KIRREL3: variants seen among roughly 807,000 people sequenced by gnomAD.
KIRREL3 encodes kin of IRRE-like protein 3.
A neutral mutation model predicts 89.7 loss-of-function variants in KIRREL3; 36 were observed. The ratio of observed to expected loss-of-function variants is 0.40; its 90% CI spans 0.31 to 0.53. The LOEUF is 0.53. Among genes scored for constraint, KIRREL3 ranks in the 20% least tolerant of loss-of-function variants. The pLI is 0.49. For synonymous variants in KIRREL3, 445 were observed against 441.4 expected (o/e 1.01, Z -0.10); for missense variants, 864 against 1,056.6 (o/e 0.82, Z 2.53).
intron 7 of KIRREL3, among the ~76,000 whole-genome samples, chr11:126,450,418 A>AGT (rs201339845): frequency 0.014 from 1,648 of 121,668 alleles, 33 homozygotes; most frequent in African/African-American, 0.051. Flanking sequence ...TGCATGTGTG[A>AGT]GTGGGCATGT....
rs996859901 is a variant in KIRREL3, at chr11:126,664,161, A to G, written c.56-101249T>C. Among the ~76,000 whole-genome samples the G allele has an allele frequency of 3.9e-5, 6 of 152,172 alleles. No individual in the cohort carries two copies. Among genetic ancestry groups the G allele is most frequent in the Non-Finnish European group, 7.3e-5 (5 of 68,046 alleles). On this transcript the variant is annotated intron_variant, in intron 1 of 16. Transcript: ENST00000525144. The surrounding 1 kb of genome is among the most constrained non-coding windows in gnomAD (Gnocchi z 5.4). ...TAGAGCAAGTTGAATGGGAATATCCATAATGCACCTCCTATCCTCTATTAC... is the reference window on the plus strand; with the variant it reads ...TAGAGCAAGTTGAATGGGAATATCCGTAATGCACCTCCTATCCTCTATTAC...
intron 1 of KIRREL3, among the ~76,000 whole-genome samples, chr11:126,839,818 A>G (rs1456175594): frequency 6.6e-6 from 1 of 152,248 alleles, no homozygotes; most frequent in Non-Finnish European, 1.5e-5. Context: ...GCTCCTGCAA[A>G]TTTAGGTAAA....
rs574599287 is a variant in KIRREL3 at position 126,463,377 on chromosome 11, G to A, written c.592-70C>T. ...CTGGGGTGGCCAGCCTGGGTTGGGGGTAAACGAGCACCAGCTTAGACAGAA... is the reference window on the plus strand; with the variant it reads ...CTGGGGTGGCCAGCCTGGGTTGGGGATAAACGAGCACCAGCTTAGACAGAA... On this transcript the variant is annotated intron_variant, in intron 5 of 16. Coordinates refer to ENST00000525144, the MANE Select transcript of KIRREL3 (RefSeq NM_032531.4). The surrounding 1 kb of genome is among the most constrained non-coding windows in gnomAD (Gnocchi z 5.9). 1.4e-4 allele frequency: 207 copies of A among 1,488,186 alleles called. 3 individuals carry two copies. The South Asian group carries it at 2.5e-3, about 18-fold the overall frequency. 92.2% of individuals were successfully genotyped at this position (1,488,186 alleles called of 1,614,324 possible).
In KIRREL3 at chr11:126,761,824, G is replaced by A. The variant is rs576509417; in HGVS notation, c.56-198912C>T. On this transcript the variant is annotated intron_variant, in intron 1 of 16. Transcript: ENST00000525144. The surrounding 1 kb of genome is among the most constrained non-coding windows in gnomAD (Gnocchi z 4.4). ...ACTCTCTTGGGAAGAAGTCTCCCTA[G>A]GAAGCTGCTCCCCGCTTTCAATCTC... Among the ~76,000 whole-genome samples, 1 of 152,106 alleles carries A rather than the reference G, an allele frequency of 6.6e-6. No homozygotes were observed. The highest frequency in any genetic ancestry group is 2.1e-4 in the South Asian group (1 of 4,812).
chr11:126,638,579 G>C (rs1282264287), intron 1 of KIRREL3, among the ~76,000 whole-genome samples: 1 of 152,224 alleles, frequency 6.6e-6, no homozygotes, highest in Non-Finnish European at 1.5e-5. Context: ...AGAGGCAGCT[G>C]TTTTGCCTTA....
At chr11:126,717,406 G>A (rs971669700) in intron 1 of KIRREL3, among the ~76,000 whole-genome samples, 9 of 152,252 alleles carry the variant, frequency 5.9e-5, no homozygotes, top group African/African-American at 2.2e-4. Flanking sequence ...AAGTGGCTAT[G>A]TGAACCAGCA....
chr11:126,743,640 T>A (rs1477671159), intron 1 of KIRREL3, among the ~76,000 whole-genome samples: 3 of 152,264 alleles, frequency 2.0e-5, no homozygotes, highest in South Asian at 2.1e-4. Context: ...TTTGAATCTT[T>A]ACTTTTCTAC....
intron 1 of KIRREL3, among the ~76,000 whole-genome samples, chr11:126,586,400 C>T (rs912740160): frequency 2.0e-5 from 3 of 152,082 alleles, no homozygotes; most frequent in Admixed American, 6.5e-5. Context: ...TGCTGAGACC[C>T]TCTCACTGAA....
intron 1 of KIRREL3, among the ~76,000 whole-genome samples, chr11:126,753,982 G>C (rs1400945712): frequency 6.6e-6 from 1 of 152,146 alleles, no homozygotes; most frequent in African/African-American, 2.4e-5. Context: ...ACTGGGACTG[G>C]GAAATGAGGG....
In KIRREL3 at chr11:126,888,370, C is replaced by T. The variant is rs896681935; in HGVS notation, c.55+112085G>A. Among the ~76,000 whole-genome samples, 7 of 152,118 alleles carry T rather than the reference C, an allele frequency of 4.6e-5. No homozygotes were observed. The South Asian group carries it at 8.3e-4, about 18-fold the overall frequency. ...TGCTGTGCTGTGAATTTAAAGGGCC[C>T]GTGCCAGATTCTCACCAGGGCCCGT... On this transcript the variant is annotated intron_variant, in intron 1 of 16. Transcript: ENST00000525144.
At chr11:126,517,138 G>GAGAGAGAGAGAGAGAGAT in intron 4 of KIRREL3, among the ~76,000 whole-genome samples, 1 of 37,928 alleles carries the variant, frequency 2.6e-5, no homozygotes, top group Non-Finnish European at 5.4e-5. Flanking sequence ...GAGAGAGAAA[G>GAGAGAGAGAGAGAGAGAT]AGAGAGAGAG....
rs1405329242 is a variant in KIRREL3, at chr11:126,462,068, A to G, written c.742+1089T>C. ...GGAAGGCCCCTGGAACACCTTGCTG[A>G]GCTCTTCTTGGTTCTGGGGCTGACA... On this transcript the variant is annotated intron_variant, in intron 6 of 16. Coordinates refer to ENST00000525144, the MANE Select transcript of KIRREL3 (RefSeq NM_032531.4). The surrounding 1 kb of genome is among the most constrained non-coding windows in gnomAD (Gnocchi z 4.8). 2.6e-5 allele frequency among the ~76,000 whole-genome samples: 4 copies of G among 152,038 alleles called. No individual in the cohort carries two copies. The highest frequency in any genetic ancestry group is 5.9e-5 in the Non-Finnish European group (4 of 68,014).
At chr11:126,438,999 A>T (rs929767442) in intron 11 of KIRREL3, among the ~76,000 whole-genome samples, 1 of 152,154 alleles carries the variant, frequency 6.6e-6, no homozygotes, top group Non-Finnish European at 1.5e-5. Flanking sequence ...GGGAATTACT[A>T]CAAATAAGTT....
At position 126,791,754 on chromosome 11, in the gene KIRREL3, CCTT is replaced by C. The variant is rs1221002552; in HGVS notation, c.55+208698_55+208700del. On this transcript the variant is annotated intron_variant, in intron 1 of 16. Coordinates refer to ENST00000525144, the MANE Select transcript of KIRREL3 (RefSeq NM_032531.4). This position sits in a 1 kb window ranked among gnomAD's most constrained non-coding sequence, Gnocchi z 4.8. Reference sequence around the variant, plus strand: ...AACAGAGAGGGATGGCCAGACCTTGCCTTCTTTGATTTCTAGAAGACTTCCTTT... The same window carrying C: ...AACAGAGAGGGATGGCCAGACCTTGCCTTTGATTTCTAGAAGACTTCCTTT... Among the ~76,000 whole-genome samples, 1 of 152,096 alleles carries C rather than the reference CCTT, an allele frequency of 6.6e-6. No homozygotes were observed. Among genetic ancestry groups the C allele is most frequent in the Non-Finnish European group, 1.5e-5 (1 of 68,030 alleles).
rs762712440 is a variant in KIRREL3, at chr11:126,683,787, T to C, written c.56-120875A>G. ...GCATTCAGCAGGCCTGGCAGCCTCC[T>C]CTCTCTTGGGATGCAAACTGCTTAT... On this transcript the variant is annotated intron_variant, in intron 1 of 16. Coordinates refer to ENST00000525144, the MANE Select transcript of KIRREL3 (RefSeq NM_032531.4). This position sits in a 1 kb window ranked among gnomAD's most constrained non-coding sequence, Gnocchi z 5.2. 6.6e-6 allele frequency among the ~76,000 whole-genome samples: 1 copy of C among 152,200 alleles called. No individual in the cohort carries two copies. The highest frequency in any genetic ancestry group is 2.4e-5 in the African/African-American group (1 of 41,450).
At position 126,694,400 on chromosome 11, in the gene KIRREL3, G is replaced by A. The variant is rs1169783573; in HGVS notation, c.56-131488C>T. On this transcript the variant is annotated intron_variant, in intron 1 of 16. Transcript: ENST00000525144. The surrounding 1 kb of genome is among the most constrained non-coding windows in gnomAD (Gnocchi z 4.4). Reference sequence around the variant, plus strand: ...CTGGCTGTGGGGCTGTCTGGACTGGGGATTCTGTCTGATTGTGTCAGCATC... The same window carrying A: ...CTGGCTGTGGGGCTGTCTGGACTGGAGATTCTGTCTGATTGTGTCAGCATC... 6.6e-6 allele frequency among the ~76,000 whole-genome samples: 1 copy of A among 152,132 alleles called. No individual in the cohort carries two copies. Among genetic ancestry groups the A allele is most frequent in the Non-Finnish European group, 1.5e-5 (1 of 68,022 alleles).
rs111713489 is a variant in KIRREL3 at position 126,699,544 on chromosome 11, C to CA, written c.56-136633dup. Among the ~76,000 whole-genome samples the CA allele has an allele frequency of 2.2e-3, 333 of 152,248 alleles. 4 individuals carry two copies. In the South Asian group the frequency reaches 0.027, roughly 12 times the overall value. Reference sequence around the variant, plus strand: ...AGTATGTTTTATTTTAGTAATATTTCAAATATTATTAATTCAATAGATTAT... The same window carrying CA: ...AGTATGTTTTATTTTAGTAATATTTCAAAATATTATTAATTCAATAGATTAT... On this transcript the variant is annotated intron_variant, in intron 1 of 16. Coordinates refer to ENST00000525144, the MANE Select transcript of KIRREL3 (RefSeq NM_032531.4).
At chr11:126,659,628 G>A (rs1945303772) in intron 1 of KIRREL3, among the ~76,000 whole-genome samples, 1 of 152,212 alleles carries the variant, frequency 6.6e-6, no homozygotes, top group Non-Finnish European at 1.5e-5. Flanking sequence ...TCATGAAAAG[G>A]CGAACATTCA....
At position 126,891,291 on chromosome 11, in the gene KIRREL3, A is replaced by G. The variant is rs1160356736; in HGVS notation, c.55+109164T>C. On this transcript the variant is annotated intron_variant, in intron 1 of 16. Transcript: ENST00000525144. The surrounding 1 kb of genome is among the most constrained non-coding windows in gnomAD (Gnocchi z 5.1). ...CCTTATATCAAAAAGATCCTGGGAT[A>G]TCAAAATATCACTGTCTGACTCTGA... is the stretch of plus-strand genomic sequence containing the variant. Among the ~76,000 whole-genome samples the G allele has an allele frequency of 1.3e-5, 2 of 152,244 alleles. No individual in the cohort carries two copies. The highest frequency in any genetic ancestry group is 1.5e-5 in the Non-Finnish European group (1 of 68,040).
Sources: gnomAD v4.1 joint callset for allele counts (sites outside exome capture counted in the v4.1 genomes callset) on GRCh38, gnomAD v4.1.1 for gene constraint, Gnocchi (gnomAD v3.1) non-coding constraint, MANE v1.5 for transcripts, NCBI Gene and HGNC (gene_info 2026-07-23, HGNC 2026-07-21) for gene names.